CIP2A: variants seen among roughly 807,000 people sequenced by gnomAD.
CIP2A encodes protein CIP2A.
A neutral mutation model predicts 110.9 loss-of-function variants in CIP2A; 103 were observed. That is an observed-to-expected ratio of 0.93 (90% CI 0.79 to 1.09). The LOEUF is 1.09. CIP2A is among the 50% of genes least tolerant of loss of function. CIP2A has a pLI of 0.00. For synonymous variants in CIP2A, 381 were observed against 361.6 expected (o/e 1.05, Z -0.61); for missense variants, 1,088 against 1,038.4 (o/e 1.05, Z -0.66).
chr3:108,553,479 T>G (rs776150622), intron 19 of CIP2A, among the ~76,000 whole-genome samples, 169 bp downstream of exon 19: 1 of 152,006 alleles, frequency 6.6e-6, no homozygotes, highest in East Asian at 1.9e-4. Context: ...TCAACTTGAT[T>G]AAACCGAACT....
At chr3:108,569,167 A>AGT (rs1559695577) in intron 9 of CIP2A, among the ~76,000 whole-genome samples, 4 of 1,128 alleles carry the variant, frequency 3.5e-3, no homozygotes, top group African/African-American at 5.6e-3. Flanking sequence ...TGAAATGAGC[A>AGT]CTATATATAT....
intron 19 of CIP2A, 56 bp from the exon 20 acceptor site, chr3:108,552,429 GA>G (rs1937618030): frequency 1.7e-6 from 2 of 1,156,512 alleles, no homozygotes; most frequent in Admixed American, 5.7e-5. Context: ...TGACTACTCT[GA>G]AATGGTCTAG....
intron 13 of CIP2A, among the ~76,000 whole-genome samples, chr3:108,562,834 AT>A (rs1194791236): frequency 1.3e-5 from 2 of 152,110 alleles, no homozygotes; most frequent in African/African-American, 4.8e-5. Context: ...AACTGGGAGG[AT>A]GTAGGCTTAA....
At chr3:108,567,795 T>A (rs1938237476) in intron 10 of CIP2A, among the ~76,000 whole-genome samples, 2 of 151,858 alleles carry the variant, frequency 1.3e-5, no homozygotes, top group South Asian at 2.1e-4. Context: ...TGATCGTCCG[T>A]CCAGGGGAAA....
intron 1 of CIP2A, chr3:108,585,897 C>G: frequency 2.6e-6 from 1 of 392,042 alleles, no homozygotes; most frequent in South Asian, 1.9e-5. Context: ...CATGCACAGA[C>G]ACATACATAC....
rs1361477107 is a variant in CIP2A, at chr3:108,569,622, G to A, written c.895-15C>T. 1 of 1,592,312 alleles carries A rather than the reference G, an allele frequency of 6.3e-7. No homozygotes were observed. The highest frequency in any genetic ancestry group is 1.7e-5 in the Admixed American group (1 of 59,330). On this transcript the variant is annotated splice_polypyrimidine_tract_variant and intron_variant, in intron 8 of 20. Transcript: ENST00000295746. Reference sequence around the variant, plus strand: ...AATTCTAAAACCTGTGCAATATAAAGTGTTCATTAAACATCAATTTCACAG... The same window carrying A: ...AATTCTAAAACCTGTGCAATATAAAATGTTCATTAAACATCAATTTCACAG...
At chr3:108,569,888 GTACT>G (rs1383563216) in intron 8 of CIP2A, among the ~76,000 whole-genome samples, 1 of 151,830 alleles carries the variant, frequency 6.6e-6, no homozygotes, top group African/African-American at 2.4e-5. Context: ...TCCTTCCATA[GTACT>G]TAAATTATTT....
At chr3:108,582,036 A>C (rs1412797691) in intron 4 of CIP2A, 72 bp downstream of exon 4, 3 of 680,544 alleles carry the variant, frequency 4.4e-6, no homozygotes, top group Non-Finnish European at 7.5e-6. Flanking sequence ...AAGAAAAATT[A>C]ATCTACCACA....
chr3:108,582,229 A>T (rs1415364170), intron 3 of CIP2A, 27 bp from the exon 4 acceptor site: 1 of 953,756 alleles, frequency 1.0e-6, no homozygotes. Context: ...AGTTATAAAT[A>T]TAAAGATATA....
At position 108,569,694 on chromosome 3, in the gene CIP2A, A is replaced by G. The variant is rs941589986; in HGVS notation, c.895-87T>C. ...TGTATGATGAAGCTGAAAATGCTAC[A>G]TATTTTAAAGAAAATATTCTAAAAC... On this transcript the variant is annotated intron_variant, in intron 8 of 20. Coordinates refer to ENST00000295746, the MANE Select transcript of CIP2A (RefSeq NM_020890.3). 5.1e-6 allele frequency: 5 copies of G among 977,262 alleles called. No homozygotes were observed. In the African/African-American group the frequency reaches 6.6e-5, roughly 13 times the overall value. The allele number at this position is 977,262 out of a possible 1,614,324, so 60.5% of individuals were successfully genotyped here.
At chr3:108,552,849 A>C (rs1937626859) in intron 19 of CIP2A, among the ~76,000 whole-genome samples, 1 of 152,178 alleles carries the variant, frequency 6.6e-6, no homozygotes, top group Non-Finnish European at 1.5e-5. Flanking sequence ...CCAAGTTTTC[A>C]CTTCTAAGTG....
In CIP2A at chr3:108,551,014, C is replaced by G; in HGVS notation, c.*135G>C. On this transcript the variant is annotated 3_prime_UTR_variant, in exon 21 of 21. Coordinates refer to ENST00000295746, the MANE Select transcript of CIP2A (RefSeq NM_020890.3). ...ATCAAATAAAAAACATGCAACAGAT[C>G]AGGGTCTTTACTAAATTAGATAATA... The G allele has an allele frequency of 2.5e-6, 1 of 399,052 alleles. No individual in the cohort carries two copies. The highest frequency in any genetic ancestry group is 2.1e-5 in the African/African-American group (1 of 48,350). The allele number at this position is 399,052 out of a possible 1,614,324, so 24.7% of individuals were successfully genotyped here. A position where few individuals can be genotyped will look rare whatever the true frequency, so the allele number is the denominator to read the frequency against.
intron 1 of CIP2A, among the ~76,000 whole-genome samples, chr3:108,586,431 C>T (rs1283869951): frequency 6.6e-6 from 1 of 152,090 alleles, no homozygotes; most frequent in Non-Finnish European, 1.5e-5. Flanking sequence ...TAGGATTGGT[C>T]CTGTATCTCA....
chr3:108,559,875 A>C lies in CIP2A; in HGVS notation c.1903-8T>G. On this transcript the variant is annotated splice_region_variant and splice_polypyrimidine_tract_variant and intron_variant, in intron 15 of 20. Coordinates refer to ENST00000295746, the MANE Select transcript of CIP2A (RefSeq NM_020890.3). Reference sequence around the variant, plus strand: ...TAGCCTGCTTTCTTTGGACTACAAGAAAACATATCATTAATTTTCATTTTA... The same window carrying C: ...TAGCCTGCTTTCTTTGGACTACAAGCAAACATATCATTAATTTTCATTTTA... 6.2e-7 allele frequency: 1 copy of C among 1,602,382 alleles called. No homozygotes were observed. The highest frequency in any genetic ancestry group is 8.5e-7 in the Non-Finnish European group (1 of 1,171,324).
In CIP2A at chr3:108,582,068, CAAAT is replaced by C. The variant is rs776011931; in HGVS notation, c.452+36_452+39del. 4.2e-5 allele frequency: 40 copies of C among 942,386 alleles called. 1 individual carries two copies. The highest frequency in any genetic ancestry group is 2.5e-4 in the Middle Eastern group (1 of 3,964). The allele number at this position is 942,386 out of a possible 1,614,324, so 58.4% of individuals were successfully genotyped here. A position where few individuals can be genotyped will look rare whatever the true frequency, so the allele number is the denominator to read the frequency against. On this transcript the variant is annotated intron_variant, in intron 4 of 20. Coordinates refer to ENST00000295746, the MANE Select transcript of CIP2A (RefSeq NM_020890.3). Reference sequence around the variant, plus strand: ...CACATGGTTGTAATTTAAAAATAAACAAATAAACTATTTGGTTTTATGTTTGATT... The same window carrying C: ...CACATGGTTGTAATTTAAAAATAAACAAACTATTTGGTTTTATGTTTGATT...
At chr3:108,573,285 G>A (rs769620531) in intron 8 of CIP2A, among the ~76,000 whole-genome samples, 6 of 151,408 alleles carry the variant, frequency 4.0e-5, no homozygotes, top group Non-Finnish European at 8.9e-5. Flanking sequence ...TTGCTATCAA[G>A]GTTATACTGG....
At chr3:108,582,074 A>G in intron 4 of CIP2A, 34 bp downstream of exon 4, 1 of 969,328 alleles carries the variant, frequency 1.0e-6, no homozygotes, top group Non-Finnish European at 1.6e-6. Flanking sequence ...TAAACAAATA[A>G]ACTATTTGGT....
At position 108,573,849 on chromosome 3, in the gene CIP2A, G is replaced by GT. The variant is rs567615870; in HGVS notation, c.894+2421dup. 3.9e-4 allele frequency among the ~76,000 whole-genome samples: 60 copies of GT among 151,990 alleles called. 1 individual carries two copies. In the South Asian group the frequency reaches 6.4e-3, roughly 16 times the overall value. On this transcript the variant is annotated intron_variant, in intron 8 of 20. Transcript: ENST00000295746. ...AAAGTCATTCTAATTTTTTTCTTCT[G>GT]TAAAAACTTGTAAGGTAAAGGCTGA...
rs771156389 is a variant in CIP2A at position 108,565,380 on chromosome 3, TC to T, written c.1489del (p.Glu497LysfsTer2). 1 of 1,593,986 alleles carries T rather than the reference TC, an allele frequency of 6.3e-7. No homozygotes were observed. Among genetic ancestry groups the T allele is most frequent in the Non-Finnish European group, 8.6e-7 (1 of 1,167,214 alleles). ...CTGAAGTATTTTGTAGAAGCTTACT[TC>T]CATACCAGGAACCAATGGTTTAAGT... Reference protein sequence around the residue: ...NKLKPLVPGMEVSFYKILQDP... With the variant: ...NKLKPLVPGMXVSFYKILQDP... On this transcript the variant is annotated frameshift_variant, in exon 12 of 21. Coordinates refer to ENST00000295746, the MANE Select transcript of CIP2A (RefSeq NM_020890.3). LOFTEE classifies it high-confidence loss of function.
Sources: gnomAD v4.1 joint callset for allele counts (sites outside exome capture counted in the v4.1 genomes callset) on GRCh38, gnomAD v4.1.1 for gene constraint, MANE v1.5 for transcripts, NCBI Gene and HGNC (gene_info 2026-07-23, HGNC 2026-07-21) for gene names.